HDAC9: variants seen among roughly 807,000 people sequenced by gnomAD.
The protein encoded by HDAC9 is histone deacetylase 9, also known as MEF-2 interacting transcription repressor (MITR) protein.
A neutral mutation model predicts 139.4 loss-of-function variants in HDAC9; 41 were observed. The observed-to-expected ratio is 0.29, with a 90% CI of 0.23 to 0.38. The LOEUF is 0.38. Among genes scored for constraint, HDAC9 ranks in the 10% least tolerant of loss-of-function variants. The pLI, the probability that HDAC9 is intolerant of heterozygous loss-of-function variation, is 1.00. For missense variants in HDAC9, 1,147 were observed against 1,297.0 expected (o/e 0.88, Z 1.78); for synonymous variants, 517 against 476.2 (o/e 1.09, Z -1.12).
rs757826031 is a variant in HDAC9 at position 18,835,497 on chromosome 7, G to A, written c.2497G>A (p.Ala833Thr). The change falls in exon 20 of 26, where the codon GCC becomes ACC. Residue 833 changes from alanine (A) to threonine (T), a missense_variant. Transcript: ENST00000686413. ...TCACCATGGAAACGGTACCCAGCAG[G>A]CCTTTTATGCTGACCCCAGCATCCT... ...DVHHGNGTQQAFYADPSILYI... is the reference protein window; with the variant it reads ...DVHHGNGTQQTFYADPSILYI... The A allele has an allele frequency of 7.4e-6, 12 of 1,613,596 alleles. No individual in the cohort carries two copies. Among genetic ancestry groups the A allele is most frequent in the Non-Finnish European group, 1.0e-5 (12 of 1,179,638 alleles).
At chr7:18,844,262 A>G (rs2129218131) in intron 21 of HDAC9, among the ~76,000 whole-genome samples, 1 of 152,322 alleles carries the variant, frequency 6.6e-6, no homozygotes, top group East Asian at 1.9e-4. Flanking sequence ...CTACTGTCGT[A>G]AAGCCATAGG....
At chr7:18,607,004 T>C (rs1458299125) in intron 6 of HDAC9, among the ~76,000 whole-genome samples, 2 of 152,152 alleles carry the variant, frequency 1.3e-5, no homozygotes, top group Non-Finnish European at 1.5e-5. Context: ...AAAGAAATAA[T>C]ACAAATGTAT....
At chr7:18,705,246 A>G (rs1189810070) in intron 12 of HDAC9, among the ~76,000 whole-genome samples, 4 of 152,086 alleles carry the variant, frequency 2.6e-5, no homozygotes, top group Non-Finnish European at 5.9e-5. Flanking sequence ...TTGATTCCCC[A>G]TTGCGGGAGC....
intron 22 of HDAC9, among the ~76,000 whole-genome samples, chr7:18,906,297 AC>A (rs1802256847): frequency 6.6e-6 from 1 of 151,862 alleles, no homozygotes; most frequent in Non-Finnish European, 1.5e-5. Flanking sequence ...GGCACTTGCC[AC>A]CATGCCTGGC....
chr7:18,272,704 A>G (rs1447432708), intron 2 of HDAC9, among the ~76,000 whole-genome samples: 2 of 152,162 alleles, frequency 1.3e-5, no homozygotes, highest in Admixed American at 6.6e-5. Context: ...TATGGATTGG[A>G]TAAGTCAATG....
At chr7:18,776,826 C>G (rs1397491514) in intron 16 of HDAC9, among the ~76,000 whole-genome samples, 8 of 151,844 alleles carry the variant, frequency 5.3e-5, no homozygotes, top group Admixed American at 2.6e-4. Context: ...GGTGGGGAAG[C>G]AAGGAAAGTT....
chr7:18,333,553 G>T (rs982235205), intron 1 of HDAC9, among the ~76,000 whole-genome samples: 8 of 151,362 alleles, frequency 5.3e-5, no homozygotes, highest in African/African-American at 1.9e-4. Context: ...TAAAACACTT[G>T]CAATCATAGG....
chr7:18,257,836 C>A (rs1795383745), intron 2 of HDAC9, among the ~76,000 whole-genome samples: 1 of 152,160 alleles, frequency 6.6e-6, no homozygotes, highest in African/African-American at 2.4e-5. Context: ...AATGCCTAAG[C>A]ATCATCCAGA....
Position 18,658,604 on chromosome 7 carries a change from C to G in HDAC9, c.1468-7609C>G, listed in dbSNP as rs540696917. 2.9e-4 allele frequency among the ~76,000 whole-genome samples: 44 copies of G among 152,138 alleles called. No homozygotes were observed. In the South Asian group the frequency reaches 6.2e-3, roughly 21 times the overall value. ...AACCAATATTTAGAAAATCTTTCTT[C>G]TCTTGTTATTTAATTTTGGTTCATC... is the stretch of plus-strand genomic sequence containing the variant. On this transcript the variant is annotated intron_variant, in intron 11 of 25. Transcript: ENST00000686413.
At chr7:18,354,956 TGAA>T (rs1254607216) in intron 1 of HDAC9, among the ~76,000 whole-genome samples, 1 of 152,158 alleles carries the variant, frequency 6.6e-6, no homozygotes, top group African/African-American at 2.4e-5. Context: ...CAGCTGGTCT[TGAA>T]GAGCCATAGA....
intron 1 of HDAC9, among the ~76,000 whole-genome samples, chr7:18,107,334 A>G (rs932922860): frequency 2.6e-5 from 4 of 152,208 alleles, no homozygotes; most frequent in South Asian, 4.1e-4. Flanking sequence ...GTAATTCTCC[A>G]TAGAAAGTGT....
upstream of HDAC9, among the ~76,000 whole-genome samples, chr7:18,288,914 C>G (rs1445219104): frequency 6.6e-6 from 1 of 152,172 alleles, no homozygotes; most frequent in Non-Finnish European, 1.5e-5. Context: ...GAGGTGCCAC[C>G]AAACCTAGAT....
chr7:18,439,780 TCATA>T (rs1444924224), intron 1 of HDAC9, among the ~76,000 whole-genome samples: 1 of 152,190 alleles, frequency 6.6e-6, no homozygotes, highest in Non-Finnish European at 1.5e-5. Context: ...TTCTCGCTCT[TCATA>T]CATACACACA....
intron 1 of HDAC9, among the ~76,000 whole-genome samples, chr7:18,400,672 C>G (rs1176310537): frequency 1.3e-5 from 2 of 152,000 alleles, no homozygotes; most frequent in African/African-American, 4.8e-5. Context: ...TTTATACATG[C>G]AATTATGTGA....
chr7:18,198,477 G>T (rs1010013434), intron 2 of HDAC9, among the ~76,000 whole-genome samples: 1 of 152,142 alleles, frequency 6.6e-6, no homozygotes, highest in African/African-American at 2.4e-5. Flanking sequence ...AAATGGTCCT[G>T]TGTTTACCAT....
chr7:18,705,643 G>A (rs1783830743), intron 12 of HDAC9, among the ~76,000 whole-genome samples: 2 of 151,824 alleles, frequency 1.3e-5, no homozygotes, highest in East Asian at 3.9e-4. Context: ...TCGAGGTCAG[G>A]GGTTCAAGAG....
chr7:18,746,160 C>A, intron 13 of HDAC9, among the ~76,000 whole-genome samples: 1 of 151,992 alleles, frequency 6.6e-6, no homozygotes, highest in Non-Finnish European at 1.5e-5. Context: ...TGTAAGGCAC[C>A]GTACCTGGCC....
chr7:18,171,760 G>A lies in HDAC9; in HGVS notation c.25+9411G>A, dbSNP rs142365106. Among the ~76,000 whole-genome samples, 176 of 152,206 alleles carry A rather than the reference G, an allele frequency of 1.2e-3. 4 individuals carry two copies. The East Asian group carries it at 0.022, about 19-fold the overall frequency. On this transcript the variant is annotated intron_variant, in intron 2 of 12. Coordinates refer to the HDAC9 transcript ENST00000417496. ...TGATGGATTATGTTTATTGATTTCCGTATGTTGAACCAGCCTTGCATCCCA... is the reference window on the plus strand; with the variant it reads ...TGATGGATTATGTTTATTGATTTCCATATGTTGAACCAGCCTTGCATCCCA...
chr7:18,991,269 TAAAAC>T (rs1031821383), intron 25 of HDAC9, among the ~76,000 whole-genome samples: 2 of 152,078 alleles, frequency 1.3e-5, no homozygotes, highest in Non-Finnish European at 2.9e-5. Flanking sequence ...TGAAAGAACA[TAAAAC>T]AAAATTCACA....
Sources: allele counts gnomAD v4.1 joint callset (sites outside exome capture counted in the v4.1 genomes callset), GRCh38; gene constraint gnomAD v4.1.1; transcripts MANE v1.5; gene names NCBI Gene and HGNC (gene_info 2026-07-23, HGNC 2026-07-21).